The following MKLN1 variants were observed in gnomAD, a reference collection of about 807,000 sequenced individuals.
MKLN1 encodes muskelin 1.
Under a neutral mutation model 99.0 loss-of-function variants are expected in MKLN1, and 18 were observed. The ratio of observed to expected loss-of-function variants is 0.18; its 90% CI spans 0.13 to 0.27. The LOEUF (loss-of-function observed/expected upper bound fraction) is 0.27, where lower values mean the gene tolerates loss of function less well. MKLN1 is among the 10% of genes least tolerant of loss of function. MKLN1 has a pLI of 1.00. For synonymous variants in MKLN1, 288 were observed against 293.2 expected, an observed-to-expected ratio of 0.98 and a Z score of 0.18; for missense variants, 621 against 875.9, an observed-to-expected ratio of 0.71 and a Z score of 3.67.
intron 12 of MKLN1, among the ~76,000 whole-genome samples, chr7:131,454,112 A>G (rs1388922153): frequency 6.6e-6 from 1 of 151,734 alleles, no homozygotes. Flanking sequence ...AATACAAAAA[A>G]TATATTTTTT....
intron 1 of MKLN1, among the ~76,000 whole-genome samples, chr7:131,132,867 A>C (rs1292067450): frequency 7.4e-6 from 1 of 136,002 alleles, no homozygotes; most frequent in Non-Finnish European, 1.5e-5. Flanking sequence ...CGGAGGTTGC[A>C]GTGGACCGAG....
intron 16 of MKLN1, among the ~76,000 whole-genome samples, chr7:131,475,431 A>G (rs1265584970): frequency 1.3e-5 from 2 of 152,222 alleles, no homozygotes; most frequent in African/African-American, 4.8e-5. Flanking sequence ...AGAAGGAAGA[A>G]AAAAATACAA....
At chr7:131,192,545 T>A (rs1360737312) in intron 2 of MKLN1, among the ~76,000 whole-genome samples, 1 of 142,468 alleles carries the variant, frequency 7.0e-6, no homozygotes, top group South Asian at 2.1e-4. Context: ...AATATATATA[T>A]TATATATATT....
At chr7:131,430,937 CA>C (rs1336700511) in intron 9 of MKLN1, among the ~76,000 whole-genome samples, 1 of 152,004 alleles carries the variant, frequency 6.6e-6, no homozygotes, top group African/African-American at 2.4e-5. Flanking sequence ...AAAACAAAAA[CA>C]AGGCCGGGCA....
At chr7:131,356,062 A>AT (rs375785189) in intron 1 of MKLN1, among the ~76,000 whole-genome samples, 2,838 of 116,160 alleles carry the variant, frequency 0.024, 43 homozygotes, top group Middle Eastern at 0.036. Flanking sequence ...TAGTTCCCCT[A>AT]TTTTTTTTTT....
At chr7:131,320,128 A>G (rs1351996817) in intron 3 of MKLN1, among the ~76,000 whole-genome samples, 1 of 152,176 alleles carries the variant, frequency 6.6e-6, no homozygotes, top group Non-Finnish European at 1.5e-5. Context: ...CAAGACAATC[A>G]TAAGCAAAAA....
chr7:131,266,860 G>C (rs1342529177), intron 3 of MKLN1, among the ~76,000 whole-genome samples: 1 of 151,844 alleles, frequency 6.6e-6, no homozygotes, highest in East Asian at 1.9e-4. Context: ...GAAAGAAAAA[G>C]GACTAGAGTG....
At chr7:131,347,840 C>T (rs991714535) in intron 1 of MKLN1, among the ~76,000 whole-genome samples, 2 of 152,088 alleles carry the variant, frequency 1.3e-5, no homozygotes, top group African/African-American at 4.8e-5. Flanking sequence ...TTCTATTTTC[C>T]ATTCATACAG....
At chr7:131,391,845 G>A (rs182603688) in intron 4 of MKLN1, among the ~76,000 whole-genome samples, 4 of 152,224 alleles carry the variant, frequency 2.6e-5, no homozygotes, top group East Asian at 1.9e-4. Context: ...GCACATTTTC[G>A]TACTTATATT....
At chr7:131,410,379 T>C (rs992977802) in intron 6 of MKLN1, among the ~76,000 whole-genome samples, 1 of 152,182 alleles carries the variant, frequency 6.6e-6, no homozygotes, top group African/African-American at 2.4e-5. Flanking sequence ...AGGATTGTTT[T>C]TAGAATTAAA....
intron 9 of MKLN1, among the ~76,000 whole-genome samples, chr7:131,430,217 G>T (rs960973612): frequency 2.0e-5 from 3 of 152,044 alleles, no homozygotes; most frequent in Non-Finnish European, 4.4e-5. Flanking sequence ...CATTTCCAAA[G>T]ATCTAGTGCT....
In MKLN1 at chr7:131,361,251, C is replaced by T. The variant is rs139641458; in HGVS notation, c.99-14173C>T. 3.2e-3 allele frequency among the ~76,000 whole-genome samples: 485 copies of T among 152,042 alleles called. 4 individuals are homozygous for T. The highest frequency in any genetic ancestry group is 4.5e-3 in the Admixed American group (68 of 15,270). ...TCTTCTGCTCCTTTCTTTCCCTTCT[C>T]ATATTGCAGTTATGCATCTGTTATA... On this transcript the variant is annotated intron_variant, in intron 1 of 17. Coordinates refer to ENST00000352689, the MANE Select transcript of MKLN1 (RefSeq NM_013255.5).
intron 1 of MKLN1, among the ~76,000 whole-genome samples, chr7:131,115,335 A>G (rs76071270): frequency 2.0e-5 from 3 of 152,298 alleles, no homozygotes; most frequent in East Asian, 1.9e-4. Flanking sequence ...CGTTTTCACA[A>G]TCCTCAGAAT....
At chr7:131,220,261 T>A (rs1797041659) in intron 3 of MKLN1, among the ~76,000 whole-genome samples, 1 of 152,194 alleles carries the variant, frequency 6.6e-6, no homozygotes. Flanking sequence ...TCCCTAGTAA[T>A]CATTTATTGC....
At chr7:131,256,352 C>G (rs1797657892) in intron 3 of MKLN1, among the ~76,000 whole-genome samples, 1 of 151,968 alleles carries the variant, frequency 6.6e-6, no homozygotes, top group African/African-American at 2.4e-5. Context: ...TCAAGTGACC[C>G]CAGTCAGTAA....
At chr7:131,188,438 T>G (rs1394338747) in intron 2 of MKLN1, among the ~76,000 whole-genome samples, 1 of 152,252 alleles carries the variant, frequency 6.6e-6, no homozygotes, top group Non-Finnish European at 1.5e-5. Flanking sequence ...TCAGCTGGTA[T>G]GTTCGCTTGG....
intron 6 of MKLN1, among the ~76,000 whole-genome samples, chr7:131,406,976 A>G (rs1180057106): frequency 6.6e-6 from 1 of 151,934 alleles, no homozygotes; most frequent in African/African-American, 2.4e-5. Flanking sequence ...CCTGTTAACT[A>G]TTGTCTATTT....
At position 131,287,915 on chromosome 7, in the gene MKLN1, G is replaced by A. The variant is rs114639290; in HGVS notation, c.-179+84941G>A. Among the ~76,000 whole-genome samples the A allele has an allele frequency of 6.9e-3, 1,044 of 152,086 alleles. 15 individuals are homozygous for A. Among genetic ancestry groups the A allele is most frequent in the African/African-American group, 0.023 (946 of 41,460 alleles). On this transcript the variant is annotated intron_variant, in intron 3 of 7. Coordinates refer to the MKLN1 transcript ENST00000416992. ...GCTTCTTACTTTTCTCTCTCCTGAC[G>A]CCATGTGAAGAAGGTCCTTGTTTCC... is the stretch of plus-strand genomic sequence containing the variant.
chr7:131,495,386 C>T lies in MKLN1; in HGVS notation c.*7658C>T, dbSNP rs189184266. On this transcript the variant is annotated 3_prime_UTR_variant, in exon 18 of 18. Coordinates refer to ENST00000352689, the MANE Select transcript of MKLN1 (RefSeq NM_013255.5). The stretch of plus-strand genomic sequence containing the variant: ...AATGTGGTGCTGTAACCAGCTGAGC[C>T]GAAAGTTGGAGAATGTTAAATATCT... 2.6e-5 allele frequency: 4 copies of T among 151,944 alleles called. No individual in the cohort carries two copies. The East Asian group carries it at 5.8e-4, about 22-fold the overall frequency. 9.4% of individuals were successfully genotyped at this position (151,944 alleles called of 1,614,324 possible).
Sources: gnomAD v4.1 joint callset for allele counts (sites outside exome capture counted in the v4.1 genomes callset) on GRCh38, gnomAD v4.1.1 for gene constraint, MANE v1.5 for transcripts, NCBI Gene and HGNC (gene_info 2026-07-23, HGNC 2026-07-21) for gene names.